NAV1: variants seen among roughly 807,000 people sequenced by gnomAD.
NAV1 encodes the protein pore membrane and/or filament interacting like protein 3.
A neutral mutation model predicts 175.2 loss-of-function variants in NAV1; 18 were observed. That is an observed-to-expected ratio of 0.10 (90% confidence interval 0.07 to 0.15). The LOEUF (loss-of-function observed/expected upper bound fraction) is 0.15, where lower values mean the gene tolerates loss of function less well. Ranked by LOEUF, NAV1 falls within the 10% of genes least tolerant of loss-of-function variation. NAV1 has a pLI of 1.00. For missense variants in NAV1, 1,731 were observed against 2,436.6 expected (o/e 0.71, Z 6.10); for synonymous variants, 897 against 978.7 (o/e 0.92, Z 1.56).
chr1:201,601,918 G>A (rs564144757), intron 2 of NAV1, among the ~76,000 whole-genome samples: 13 of 152,178 alleles, frequency 8.5e-5, no homozygotes, highest in African/African-American at 3.1e-4. Flanking sequence ...TGGTGGTGTC[G>A]AGGAGGGGAT....
intron 2 of NAV1, among the ~76,000 whole-genome samples, chr1:201,635,073 C>T (rs142149146): frequency 6.6e-6 from 1 of 152,298 alleles, no homozygotes; most frequent in East Asian, 1.9e-4. Flanking sequence ...GAGTCTCACT[C>T]TGTCACCCAG....
chr1:201,642,915 G>A (rs1446599063), intron 2 of NAV1, among the ~76,000 whole-genome samples: 2 of 151,474 alleles, frequency 1.3e-5, no homozygotes, highest in Non-Finnish European at 2.9e-5. Flanking sequence ...GACTACAGGC[G>A]CCCACCACCA....
chr1:201,743,191 C>G (rs1047319567), intron 3 of NAV1, among the ~76,000 whole-genome samples: 32 of 152,174 alleles, frequency 2.1e-4, no homozygotes, highest in African/African-American at 5.8e-4. Flanking sequence ...CTAAAGCCAA[C>G]CCCTAACTAC....
intron 1 of NAV1, among the ~76,000 whole-genome samples, chr1:201,559,683 T>C (rs146237121): frequency 9.8e-5 from 15 of 152,292 alleles, no homozygotes; most frequent in Non-Finnish European, 2.2e-4. Flanking sequence ...TTAAGAACAG[T>C]GCAGTGTCCA....
At chr1:201,803,628 A>T in exon 16 of NAV1, 1 of 1,613,830 alleles carries the variant, frequency 6.2e-7, no homozygotes, top group Non-Finnish European at 8.5e-7. Flanking sequence ...CTCAGATAGC[A>T]TCTCAAGCCT....
At chr1:201,776,662 GT>G (rs529958248) in intron 3 of NAV1, among the ~76,000 whole-genome samples, 7 of 145,978 alleles carry the variant, frequency 4.8e-5, no homozygotes, top group East Asian at 2.0e-4. Flanking sequence ...AAAAAGAGTT[GT>G]TTTTTTTTAA....
chr1:201,710,991 T>A (rs1671880031), intron 1 of NAV1, among the ~76,000 whole-genome samples: 1 of 152,146 alleles, frequency 6.6e-6, no homozygotes, highest in South Asian at 2.1e-4. Flanking sequence ...ATGTTCTTAG[T>A]CCCCACATAG....
At chr1:201,639,164 G>A (rs1017609986) in intron 2 of NAV1, among the ~76,000 whole-genome samples, 3 of 152,226 alleles carry the variant, frequency 2.0e-5, no homozygotes, top group Non-Finnish European at 4.4e-5. Flanking sequence ...CAGGCCTGGA[G>A]CAGGGGCATT....
chr1:201,815,311 G>A (rs1335908541), intron 28 of NAV1, among the ~76,000 whole-genome samples: 1 of 152,176 alleles, frequency 6.6e-6, no homozygotes, highest in Admixed American at 6.5e-5. Context: ...GGAAGCTGAG[G>A]CGAGAGGATC....
At chr1:201,647,403 G>C (rs561654635), upstream of NAV1, among the ~76,000 whole-genome samples, 1 of 152,168 alleles carries the variant, frequency 6.6e-6, no homozygotes, top group African/African-American at 2.4e-5. Context: ...GCCTCCTCTT[G>C]ATTCCCTAGG....
chr1:201,713,543 T>C (rs1031453495), intron 2 of NAV1, among the ~76,000 whole-genome samples: 10 of 152,202 alleles, frequency 6.6e-5, no homozygotes, highest in Non-Finnish European at 1.0e-4. Flanking sequence ...GGCACCTCTC[T>C]CTGGAGCAAA....
At chr1:201,572,370 CTT>C (rs558471603) in intron 1 of NAV1, among the ~76,000 whole-genome samples, 41 of 136,402 alleles carry the variant, frequency 3.0e-4, no homozygotes, top group South Asian at 1.2e-3. Flanking sequence ...TTCTTTCTTT[CTT>C]TTTTTTTTTT....
intron 1 of NAV1, among the ~76,000 whole-genome samples, chr1:201,688,588 C>T (rs185707949): frequency 2.0e-5 from 3 of 152,172 alleles, no homozygotes; most frequent in African/African-American, 4.8e-5. Context: ...TCCCTTTTTG[C>T]GGGCTTTTCA....
chr1:201,717,549 C>T (rs553148168), intron 2 of NAV1, among the ~76,000 whole-genome samples: 1 of 152,336 alleles, frequency 6.6e-6, no homozygotes, highest in African/African-American at 2.4e-5. Flanking sequence ...AGTCTCAGGC[C>T]ATCCAGCACT....
chr1:201,585,799 G>A (rs915254350), intron 1 of NAV1, among the ~76,000 whole-genome samples: 4 of 152,156 alleles, frequency 2.6e-5, no homozygotes. Context: ...GCTATCAAAA[G>A]CACAGAAAGT....
intron 2 of NAV1, among the ~76,000 whole-genome samples, chr1:201,609,105 A>G (rs1294728592): frequency 2.0e-5 from 3 of 152,220 alleles, no homozygotes; most frequent in South Asian, 4.1e-4. Context: ...TTAGCGCTGG[A>G]GTCCTGTCCA....
chr1:201,782,702 T>C lies in NAV1; in HGVS notation c.2190T>C (p.Pro730=), dbSNP rs750076923. The change falls in exon 6 of 30, where the codon CCT becomes CCC. Residue 730 remains proline, a synonymous_variant. Coordinates refer to ENST00000367296, the Ensembl canonical transcript of NAV1. The surrounding 1 kb of genome is among the most constrained non-coding windows in gnomAD (Gnocchi z 5.4). The stretch of plus-strand genomic sequence containing the variant: ...CCAGTGGGCGGACCACTCCAGCCCC[T>C]GTCAATCAGACAGATCGGGAAAAGG... The C allele has an allele frequency of 4.3e-6, 7 of 1,614,112 alleles. No individual in the cohort carries two copies. In the South Asian group the frequency reaches 6.6e-5, roughly 15 times the overall value.
chr1:201,657,892 G>T (rs1404064780), intron 1 of NAV1, among the ~76,000 whole-genome samples: 1 of 152,120 alleles, frequency 6.6e-6, no homozygotes, highest in Non-Finnish European at 1.5e-5. Flanking sequence ...AATTAGCCAG[G>T]AGTGGTGGCT....
chr1:201,645,328 A>C (rs1379998754), upstream of NAV1, among the ~76,000 whole-genome samples: 1 of 144,962 alleles, frequency 6.9e-6, no homozygotes, highest in East Asian at 2.1e-4. Context: ...GCATGTTCTC[A>C]CTCACAGGTG....
Sources: allele counts gnomAD v4.1 joint callset (sites outside exome capture counted in the v4.1 genomes callset), GRCh38; gene constraint gnomAD v4.1.1; non-coding constraint Gnocchi (gnomAD v3.1); transcripts MANE v1.5; gene names NCBI Gene and HGNC (gene_info 2026-07-23, HGNC 2026-07-21).